The following EIF4G3 variants were observed in gnomAD, a reference collection of about 807,000 sequenced individuals.
The protein encoded by EIF4G3 is eIF-4-gamma 3.
Under a neutral mutation model 186.4 loss-of-function variants are expected in EIF4G3, and 34 were observed. The observed-to-expected ratio is 0.18, with a 90% CI of 0.14 to 0.24. The LOEUF is 0.24. Among genes scored for constraint, EIF4G3 ranks in the 10% least tolerant of loss-of-function variants. EIF4G3 has a pLI of 1.00. For missense variants in EIF4G3, 1,536 were observed against 1,948.5 expected (o/e 0.79, Z 3.99); for synonymous variants, 673 against 679.5 (o/e 0.99, Z 0.15).
At position 20,879,342 on chromosome 1, in the gene EIF4G3, A is replaced by G; in HGVS notation, c.2603T>C (p.Met868Thr). 1 of 1,599,432 alleles carries G rather than the reference A, an allele frequency of 6.3e-7. No homozygotes were observed. The highest frequency in any genetic ancestry group is 8.5e-7 in the Non-Finnish European group (1 of 1,173,336). The change falls in exon 20 of 37, where the codon ATG becomes ACG. Residue 868 changes from methionine (M) to threonine (T), a missense_variant. By Grantham distance (81) the Met-to-Thr change is moderately conservative. Coordinates refer to ENST00000602326, the MANE Select transcript of EIF4G3 (RefSeq NM_001391906.1). ...EPSFSVAYAN[M>T]CRCLVTLKVP... ...TCTTACCGTTACTAGACATCGACAC[A>G]TGTTTGCGTAAGCCACAGAGAAACT...
intron 2 of EIF4G3, among the ~76,000 whole-genome samples, chr1:21,158,535 T>G (rs1432046866): frequency 6.6e-6 from 1 of 152,164 alleles, no homozygotes; most frequent in African/African-American, 2.4e-5. Context: ...CTGTAACTTA[T>G]GATAACCAAA....
rs72652972 is a variant in EIF4G3, at chr1:20,934,457, G to C, written c.1663+7034C>G. 6.0e-3 allele frequency among the ~76,000 whole-genome samples: 919 copies of C among 152,144 alleles called. 4 individuals carry two copies. Among genetic ancestry groups the C allele is most frequent in the Middle Eastern group, 0.031 (9 of 294 alleles). On this transcript the variant is annotated intron_variant, in intron 14 of 36. Transcript: ENST00000602326. ...GAGACTGTAAGAGACAACTAAGAGA[G>C]TCTGATGAAGGTTTCAATATAGCCA...
chr1:20,823,365 G>C (rs1484942749), intron 33 of EIF4G3, among the ~76,000 whole-genome samples: 2 of 152,068 alleles, frequency 1.3e-5, no homozygotes, highest in African/African-American at 4.8e-5. Context: ...GTGTGTGTGT[G>C]TGTGGCTTTT....
chr1:21,086,007 A>C (rs1482163086), intron 3 of EIF4G3, among the ~76,000 whole-genome samples: 2 of 151,922 alleles, frequency 1.3e-5, no homozygotes, highest in South Asian at 4.2e-4. Flanking sequence ...GTTATTTTTC[A>C]AAGTGTTATT....
At chr1:20,893,056 A>T in intron 18 of EIF4G3, 1 of 236,528 alleles carries the variant, frequency 4.2e-6, no homozygotes, top group African/African-American at 2.3e-5. Context: ...TAGGACTATA[A>T]GCATGCGCCA....
At position 20,843,004 on chromosome 1, in the gene EIF4G3, G is replaced by A. The variant is rs575527170; in HGVS notation, c.3889-1976C>T. ...GGACCACAGGCATGCCACCATGCCC[G>A]GCTAATTTAAAAAAATTTTTTTGTA... On this transcript the variant is annotated intron_variant, in intron 29 of 36. Coordinates refer to ENST00000602326, the MANE Select transcript of EIF4G3 (RefSeq NM_001391906.1). 4.8e-4 allele frequency among the ~76,000 whole-genome samples: 73 copies of A among 151,808 alleles called. 1 individual carries two copies. The highest frequency in any genetic ancestry group is 1.5e-3 in the African/African-American group (61 of 41,412).
intron 2 of EIF4G3, among the ~76,000 whole-genome samples, chr1:21,142,539 T>A (rs977954580): frequency 1.3e-5 from 2 of 152,034 alleles, no homozygotes; most frequent in African/African-American, 4.8e-5. Flanking sequence ...AGTGGCTAAC[T>A]AGAATACATG....
chr1:21,019,853 CA>C (rs1456524392), intron 4 of EIF4G3, among the ~76,000 whole-genome samples: 1 of 152,168 alleles, frequency 6.6e-6, no homozygotes, highest in African/African-American at 2.4e-5. Flanking sequence ...CACTGCACTC[CA>C]GCCTGGCAAC....
Position 20,942,243 on chromosome 1 carries a change from CCTT to C in EIF4G3, c.908_910del (p.Glu303del), listed in dbSNP as rs771083232. 6.2e-7 allele frequency: 1 copy of C among 1,614,076 alleles called. No homozygotes were observed. Among genetic ancestry groups the C allele is most frequent in the Admixed American group, 1.7e-5 (1 of 60,016 alleles). ...TATTGCAGTAGTTTCAGATGTCTGG[CCTT>C]CTTGTTCTTTCTTCTCTCCACTGAG... On this transcript the variant is annotated inframe_deletion, in exon 14 of 37. Coordinates refer to ENST00000602326, the MANE Select transcript of EIF4G3 (RefSeq NM_001391906.1).
downstream of EIF4G3, chr1:20,806,299 T>TACATACATGTGCATGC (rs1553168335): frequency 1.3e-5 from 2 of 152,434 alleles, no homozygotes; most frequent in Admixed American, 1.3e-4. Context: ...GACATATACA[T>TACATACATGTGCATGC]ACATACATGT....
chr1:21,043,764 C>T (rs938167604), intron 4 of EIF4G3, among the ~76,000 whole-genome samples: 11 of 151,352 alleles, frequency 7.3e-5, no homozygotes, highest in African/African-American at 2.7e-4. Context: ...CCCAGCTACT[C>T]TCAGGAGGCT....
intron 17 of EIF4G3, among the ~76,000 whole-genome samples, chr1:20,895,142 T>A (rs888224144): frequency 1.3e-4 from 20 of 151,684 alleles, no homozygotes; most frequent in Non-Finnish European, 2.8e-4. Flanking sequence ...CAATAAACAT[T>A]AAAAAAAACC....
intron 2 of EIF4G3, among the ~76,000 whole-genome samples, chr1:21,131,321 G>GAAA (rs201823220): frequency 8.3e-6 from 1 of 120,788 alleles, no homozygotes; most frequent in Non-Finnish European, 1.7e-5. Context: ...ACATAGGGAA[G>GAAA]AAAAAAAAAA....
intron 2 of EIF4G3, among the ~76,000 whole-genome samples, chr1:21,131,846 C>T (rs1381824208): frequency 1.3e-5 from 2 of 152,036 alleles, no homozygotes; most frequent in African/African-American, 2.4e-5. Flanking sequence ...GTCATGTGTG[C>T]CTGTAGTCCA....
At chr1:21,020,903 TACTG>T (rs1465184096) in intron 4 of EIF4G3, among the ~76,000 whole-genome samples, 1 of 152,226 alleles carries the variant, frequency 6.6e-6, no homozygotes, top group Admixed American at 6.5e-5. Flanking sequence ...TGGGTAGTTC[TACTG>T]ACTATTAGAT....
chr1:20,875,774 T>C (rs1271708989), intron 20 of EIF4G3, among the ~76,000 whole-genome samples: 1 of 152,066 alleles, frequency 6.6e-6, no homozygotes, highest in Non-Finnish European at 1.5e-5. Context: ...TAACTGGACA[T>C]GGTGGTGCAT....
intron 20 of EIF4G3, among the ~76,000 whole-genome samples, chr1:20,878,672 A>G (rs1222721382): frequency 6.6e-6 from 1 of 152,210 alleles, no homozygotes; most frequent in Non-Finnish European, 1.5e-5. Context: ...GACATTTCTG[A>G]CACAAGTACC....
At position 20,972,988 on chromosome 1, in the gene EIF4G3, TA is replaced by T; in HGVS notation, c.591+13del. On this transcript the variant is annotated intron_variant, in intron 11 of 36. Coordinates refer to ENST00000602326, the MANE Select transcript of EIF4G3 (RefSeq NM_001391906.1). ...TTAGATTTAAAATAAGAAAAAGTAATAAAAATCTCTTACAGTTTTTTTCTCT... is the reference window on the plus strand; with the variant it reads ...TTAGATTTAAAATAAGAAAAAGTAATAAAATCTCTTACAGTTTTTTTCTCT... 1 of 1,574,620 alleles carries T rather than the reference TA, an allele frequency of 6.4e-7. No individual in the cohort carries two copies. Among genetic ancestry groups the T allele is most frequent in the Non-Finnish European group, 8.6e-7 (1 of 1,163,108 alleles).
intron 29 of EIF4G3, among the ~76,000 whole-genome samples, chr1:20,848,995 C>T (rs12724051): frequency 0.58 from 84,186 of 144,356 alleles, 24,520 homozygotes; most frequent in East Asian, 0.84. Context: ...TGCAGTGAGC[C>T]GAGATCGTGC....
Sources: allele counts gnomAD v4.1 joint callset (sites outside exome capture counted in the v4.1 genomes callset), GRCh38; gene constraint gnomAD v4.1.1; transcripts MANE v1.5; gene names NCBI Gene and HGNC (gene_info 2026-07-23, HGNC 2026-07-21).